Variants in KCNJ1 observed in about 807,000 individuals in gnomAD.
The protein encoded by KCNJ1 is ATP-sensitive inward rectifier potassium channel 1.
Under a neutral mutation model 21.9 loss-of-function variants are expected in KCNJ1, and 24 were observed. The observed-to-expected ratio is 1.10, with a 90% confidence interval of 0.79 to 1.54. The LOEUF (loss-of-function observed/expected upper bound fraction) is 1.54, where lower values mean the gene tolerates loss of function less well. Ranked by LOEUF, KCNJ1 falls within the 40% of genes most tolerant of loss-of-function variation. The pLI, the probability that KCNJ1 is intolerant of heterozygous loss-of-function variation, is 0.00. For missense variants in KCNJ1, 457 were observed against 455.4 expected (o/e 1.00, Z -0.03); for synonymous variants, 152 against 160.9 (o/e 0.94, Z 0.42).
chr11:128,855,762 C>A (rs1321231115), intron 1 of KCNJ1, among the ~76,000 whole-genome samples: 1 of 152,196 alleles, frequency 6.6e-6, no homozygotes, highest in Non-Finnish European at 1.5e-5. Flanking sequence ...ATGGGGAAAG[C>A]CACAATAAAT....
Position 128,838,176 on chromosome 11 carries a change from GCCTTCCATAAGCT to G in KCNJ1, c.*936_*948del, listed in dbSNP as rs1186631009. On this transcript the variant is annotated 3_prime_UTR_variant, in exon 3 of 3. Transcript: ENST00000392666. The stretch of plus-strand genomic sequence containing the variant: ...AGTAAAACTTTCCCCTCAAGGTCGA[GCCTTCCATAAGCT>G]GGTCCCTTTTAGGAAGATGGGCTGT... 89 of 152,730 alleles carry G rather than the reference GCCTTCCATAAGCT, an allele frequency of 5.8e-4. No homozygotes were observed. The Middle Eastern group carries it at 0.01, about 18-fold the overall frequency. The allele number at this position is 152,730 out of a possible 1,614,324, so 9.5% of individuals were successfully genotyped here. A position where few individuals can be genotyped will look rare whatever the true frequency, so the allele number is the denominator to read the frequency against.
intron 1 of KCNJ1, among the ~76,000 whole-genome samples, chr11:128,859,553 C>A (rs1473791283): frequency 6.6e-6 from 1 of 152,218 alleles, no homozygotes; most frequent in Non-Finnish European, 1.5e-5. Context: ...CCGGACAGAA[C>A]CCAGATCTTA....
intron 1 of KCNJ1, among the ~76,000 whole-genome samples, chr11:128,853,732 C>G (rs1345695964): frequency 2.0e-5 from 3 of 152,224 alleles, no homozygotes; most frequent in African/African-American, 4.8e-5. Context: ...TCGCGACCGA[C>G]TTCCCCTCAA....
chr11:128,845,997 T>C (rs889266292), intron 2 of KCNJ1, among the ~76,000 whole-genome samples: 1 of 152,216 alleles, frequency 6.6e-6, no homozygotes, highest in Non-Finnish European at 1.5e-5. Context: ...CACTGTGTTC[T>C]GTAGGCGTCT....
intron 2 of KCNJ1, among the ~76,000 whole-genome samples, chr11:128,844,175 T>C (rs971071700): frequency 6.6e-6 from 1 of 152,246 alleles, no homozygotes; most frequent in Non-Finnish European, 1.5e-5. Flanking sequence ...AATGGAGATG[T>C]CTTGTGTGTG....
intron 2 of KCNJ1, chr11:128,842,461 A>G: frequency 6.2e-7 from 1 of 1,613,548 alleles, no homozygotes; most frequent in Non-Finnish European, 8.5e-7. Context: ...TGGTCTTTCT[A>G]TGCAGACTGA....
Position 128,845,267 on chromosome 11 carries a change from T to G in KCNJ1, c.-21-5003A>C, listed in dbSNP as rs192604991. Among the ~76,000 whole-genome samples the G allele has an allele frequency of 1.4e-4, 22 of 152,360 alleles. No individual in the cohort carries two copies. The East Asian group carries it at 3.7e-3, about 25-fold the overall frequency. On this transcript the variant is annotated intron_variant, in intron 2 of 2. Coordinates refer to ENST00000392666, the MANE Select transcript of KCNJ1 (RefSeq NM_153766.3). ...TCCCTGCTCTCAAGTTGTTCACGAA[T>G]AAGTAATTCAAGAATTGTAATGTGG...
At chr11:128,851,952 C>T (rs1488962881) in intron 1 of KCNJ1, among the ~76,000 whole-genome samples, 4 of 152,212 alleles carry the variant, frequency 2.6e-5, no homozygotes, top group Non-Finnish European at 4.4e-5. Flanking sequence ...GATTTGGATG[C>T]CTTCTAGGCC....
At chr11:128,865,643 C>T (rs1485304359) in intron 1 of KCNJ1, among the ~76,000 whole-genome samples, 1 of 152,072 alleles carries the variant, frequency 6.6e-6, no homozygotes, top group Admixed American at 6.5e-5. Context: ...CACCAGGAAG[C>T]CTTCAATGCA....
At chr11:128,855,521 G>C (rs948278229) in intron 1 of KCNJ1, among the ~76,000 whole-genome samples, 11 of 152,218 alleles carry the variant, frequency 7.2e-5, no homozygotes, top group African/African-American at 2.7e-4. Context: ...CAGCAAATGA[G>C]GTTGGCAAAG....
At chr11:128,861,022 G>T (rs1943697131) in intron 1 of KCNJ1, among the ~76,000 whole-genome samples, 1 of 152,228 alleles carries the variant, frequency 6.6e-6, no homozygotes, top group South Asian at 2.1e-4. Flanking sequence ...ACTGGCATCT[G>T]CCTCAAGTGT....
chr11:128,859,665 A>C (rs1407197364), intron 1 of KCNJ1, among the ~76,000 whole-genome samples: 1 of 152,178 alleles, frequency 6.6e-6, no homozygotes, highest in African/African-American at 2.4e-5. Flanking sequence ...TCTGGGGGAA[A>C]GGCTGGCCCT....
At chr11:128,841,090 G>A (rs1318948568) in intron 2 of KCNJ1, among the ~76,000 whole-genome samples, 1 of 152,148 alleles carries the variant, frequency 6.6e-6, no homozygotes, top group East Asian at 1.9e-4. Flanking sequence ...CAACCAGATG[G>A]TCTCATAGGG....
Position 128,850,865 on chromosome 11 carries a change from G to C in KCNJ1, c.-166C>G. ...CTGTCTTTGTCAGGGCCCAGGATGG[G>C]GATGAAGGCACAGTAGAGAAGAAAC... is the stretch of plus-strand genomic sequence containing the variant. On this transcript the variant is annotated 5_prime_UTR_variant, in exon 2 of 3. Transcript: ENST00000392666. 1.0e-6 allele frequency: 1 copy of C among 985,450 alleles called. No homozygotes were observed. Among genetic ancestry groups the C allele is most frequent in the Non-Finnish European group, 1.2e-6 (1 of 829,938 alleles). 61.0% of individuals were successfully genotyped at this position (985,450 alleles called of 1,614,324 possible).
In KCNJ1 at chr11:128,850,890, C is replaced by A. The variant is rs1282925696; in HGVS notation, c.-191G>T. On this transcript the variant is annotated splice_region_variant and 5_prime_UTR_variant, in exon 2 of 3. Coordinates refer to ENST00000392666, the MANE Select transcript of KCNJ1 (RefSeq NM_153766.3). ...GGATGAAGGCACAGTAGAGAAGAAA[C>A]CTGGTAAAATACAACACATATGGCT... is the stretch of plus-strand genomic sequence containing the variant. 2.0e-6 allele frequency: 2 copies of A among 985,168 alleles called. No homozygotes were observed. Among genetic ancestry groups the A allele is most frequent in the Admixed American group, 1.2e-4 (2 of 16,264 alleles). 61.0% of individuals were successfully genotyped at this position (985,168 alleles called of 1,614,324 possible).
chr11:128,857,086 C>T (rs148820856), intron 1 of KCNJ1, among the ~76,000 whole-genome samples: 1 of 152,126 alleles, frequency 6.6e-6, no homozygotes, highest in Non-Finnish European at 1.5e-5. Flanking sequence ...CACTATGTTC[C>T]CACCCCCTCT....
At chr11:128,858,665 G>A (rs1302881695) in intron 1 of KCNJ1, among the ~76,000 whole-genome samples, 3 of 152,120 alleles carry the variant, frequency 2.0e-5, no homozygotes, top group Non-Finnish European at 4.4e-5. Flanking sequence ...TGTTCCAGGC[G>A]GTCTCCAGGG....
At chr11:128,853,512 G>A (rs1377748859) in intron 1 of KCNJ1, among the ~76,000 whole-genome samples, 1 of 152,194 alleles carries the variant, frequency 6.6e-6, no homozygotes, top group Non-Finnish European at 1.5e-5. Flanking sequence ...AGAGGCGGAT[G>A]GGGAGTGACT....
At position 128,864,436 on chromosome 11, in the gene KCNJ1, T is replaced by A. The variant is rs538019146; in HGVS notation, c.-192+2737A>T. The stretch of plus-strand genomic sequence containing the variant: ...TATGTCTCTACACTAATTTTTTTCT[T>A]CAGCATTTTTTGAAGATGTTTGTTT... On this transcript the variant is annotated intron_variant, in intron 1 of 2. Coordinates refer to ENST00000392666, the MANE Select transcript of KCNJ1 (RefSeq NM_153766.3). 9.2e-5 allele frequency among the ~76,000 whole-genome samples: 14 copies of A among 152,276 alleles called. No homozygotes were observed. The East Asian group carries it at 2.5e-3, about 27-fold the overall frequency.
Sources: gnomAD v4.1 joint callset for allele counts (sites outside exome capture counted in the v4.1 genomes callset) on GRCh38, gnomAD v4.1.1 for gene constraint, MANE v1.5 for transcripts, NCBI Gene and HGNC (gene_info 2026-07-23, HGNC 2026-07-21) for gene names.